The following CRKL variants were observed in gnomAD, a reference collection of about 807,000 sequenced individuals.
The protein encoded by CRKL is CRK like proto-oncogene, adaptor protein.
A neutral mutation model predicts 23.0 loss-of-function variants in CRKL; 3 were observed. The observed-to-expected ratio is 0.13, with a 90% CI of 0.06 to 0.34. The LOEUF (loss-of-function observed/expected upper bound fraction) is 0.34, where lower values mean the gene tolerates loss of function less well. CRKL is among the 10% of genes least tolerant of loss of function. The pLI, the probability that CRKL is intolerant of heterozygous loss-of-function variation, is 1.00. For missense variants in CRKL, 256 were observed against 394.5 expected (o/e 0.65, Z 2.97); for synonymous variants, 188 against 160.7 (o/e 1.17, Z -1.28).
chr22:20,922,006 CTTTTTTTTTT>C (rs66728040), intron 1 of CRKL, among the ~76,000 whole-genome samples: 9 of 69,914 alleles, frequency 1.3e-4, no homozygotes, highest in Admixed American at 2.1e-4. Flanking sequence ...CTGCGCCCGG[CTTTTTTTTTT>C]TTTTTTTTTT....
intron 1 of CRKL, among the ~76,000 whole-genome samples, chr22:20,918,656 A>G (rs1355906688): frequency 7.1e-6 from 1 of 140,416 alleles, no homozygotes; most frequent in Non-Finnish European, 1.5e-5. Context: ...CAGTGGTGCG[A>G]TCTCGGCTCA....
chr22:20,936,248 C>T (rs746256711), intron 2 of CRKL, among the ~76,000 whole-genome samples: 3 of 152,152 alleles, frequency 2.0e-5, no homozygotes, highest in African/African-American at 7.2e-5. Flanking sequence ...AAAACCAAAT[C>T]CTGACTCACC....
chr22:20,938,216 C>T (rs1315911556), intron 2 of CRKL, among the ~76,000 whole-genome samples: 7 of 152,070 alleles, frequency 4.6e-5, no homozygotes, highest in African/African-American at 1.4e-4. Context: ...ATGATGATGG[C>T]TTAGGTGACT....
rs747983440 is a variant in CRKL at position 20,917,961 on chromosome 22, G to A, written c.27G>A (p.Ser9=). 3.7e-5 allele frequency: 60 copies of A among 1,613,888 alleles called. No individual in the cohort carries two copies. The highest frequency in any genetic ancestry group is 4.3e-5 in the Non-Finnish European group (51 of 1,180,024). The change falls in exon 1 of 3, where the codon TCG becomes TCA. Residue 9 remains serine (S), a synonymous_variant. Transcript: ENST00000354336. Reference sequence around the variant, plus strand: ...TGTCCTCCGCCAGGTTCGACTCCTCGGACCGCTCCGCCTGGTATATGGGGC... The same window carrying A: ...TGTCCTCCGCCAGGTTCGACTCCTCAGACCGCTCCGCCTGGTATATGGGGC... MSSARFDS[S]DRSAWYMGPV...
chr22:20,933,287 T>C (rs1403910877), intron 1 of CRKL, among the ~76,000 whole-genome samples: 3 of 151,696 alleles, frequency 2.0e-5, no homozygotes, highest in Non-Finnish European at 4.4e-5. Flanking sequence ...GGAGAATTGC[T>C]TGAACTTGGG....
chr22:20,921,954 C>A (rs1175428364), intron 1 of CRKL, among the ~76,000 whole-genome samples: 1 of 150,656 alleles, frequency 6.6e-6, no homozygotes, highest in African/African-American at 2.4e-5. Flanking sequence ...GTGATCCGCC[C>A]GCCTCGGCCT....
intron 1 of CRKL, among the ~76,000 whole-genome samples, chr22:20,933,328 C>T (rs979164579): frequency 1.3e-5 from 2 of 151,470 alleles, no homozygotes; most frequent in African/African-American, 4.9e-5. Flanking sequence ...TGAGATCCTG[C>T]CACTGCACTC....
In CRKL at chr22:20,953,646, G is replaced by T. The variant is rs963378876; in HGVS notation, c.*3801G>T. 4.9e-6 allele frequency: 1 copy of T among 204,166 alleles called. No homozygotes were observed. The highest frequency in any genetic ancestry group is 7.6e-5 in the East Asian group (1 of 13,170). The allele number at this position is 204,166 out of a possible 1,614,324, so 12.6% of individuals were successfully genotyped here. On this transcript the variant is annotated 3_prime_UTR_variant, in exon 3 of 3. Coordinates refer to ENST00000354336, the MANE Select transcript of CRKL (RefSeq NM_005207.4). ...AACAGATTAGTGCCTTTTTATTTTTGTATTCCGTTTTACGTTACTGGTCCC... is the reference window on the plus strand; with the variant it reads ...AACAGATTAGTGCCTTTTTATTTTTTTATTCCGTTTTACGTTACTGGTCCC...
intron 2 of CRKL, among the ~76,000 whole-genome samples, chr22:20,936,382 C>G (rs946975220): frequency 6.6e-6 from 1 of 152,062 alleles, no homozygotes; most frequent in Non-Finnish European, 1.5e-5. Flanking sequence ...GAGTTTCGCT[C>G]TTGTTGCCCA....
rs1929751265 is a variant in CRKL at position 20,917,959 on chromosome 22, T to A, written c.25T>A (p.Ser9Thr). 1.2e-6 allele frequency: 2 copies of A among 1,613,990 alleles called. No homozygotes were observed. Among genetic ancestry groups the A allele is most frequent in the Non-Finnish European group, 1.7e-6 (2 of 1,180,004 alleles). MSSARFDS[S>T]DRSAWYMGPV... is the part of the protein sequence containing the mutation. ...CATGTCCTCCGCCAGGTTCGACTCCTCGGACCGCTCCGCCTGGTATATGGG... is the reference window on the plus strand; with the variant it reads ...CATGTCCTCCGCCAGGTTCGACTCCACGGACCGCTCCGCCTGGTATATGGG... The change falls in exon 1 of 3, where the codon TCG becomes ACG. Residue 9 changes from serine (S) to threonine (T), a missense_variant. By Grantham distance (58) the Ser-to-Thr change is moderately conservative. Coordinates refer to ENST00000354336, the MANE Select transcript of CRKL (RefSeq NM_005207.4).
rs371278201 is a variant in CRKL at position 20,927,111 on chromosome 22, C to CAAAAAAAAAAAAAAAA, written c.312-6658_312-6643dup. 2.8e-3 allele frequency among the ~76,000 whole-genome samples: 138 copies of CAAAAAAAAAAAAAAAA among 48,506 alleles called. 2 individuals are homozygous for CAAAAAAAAAAAAAAAA. Among genetic ancestry groups the CAAAAAAAAAAAAAAAA allele is most frequent in the East Asian group, 4.5e-3 (4 of 884 alleles). The allele number at this position is 48,506 out of a possible 152,430, so 31.8% of individuals were successfully genotyped here. On this transcript the variant is annotated intron_variant, in intron 1 of 2. Coordinates refer to ENST00000354336, the MANE Select transcript of CRKL (RefSeq NM_005207.4). ...TGGGTGACAGAGCAAGACTCCGTCT[C>CAAAAAAAAAAAAAAAA]AAAAAAAAAAAAAAAAAAAAAAAAA...
chr22:20,919,017 C>G (rs1454500313), intron 1 of CRKL, among the ~76,000 whole-genome samples: 3 of 147,886 alleles, frequency 2.0e-5, no homozygotes, highest in South Asian at 2.2e-4. Flanking sequence ...GCACACCATC[C>G]CGGGTGCTTG....
intron 2 of CRKL, 149 bp downstream of exon 2, chr22:20,934,393 TA>T (rs1921574930): frequency 2.7e-6 from 2 of 752,124 alleles, no homozygotes; most frequent in Non-Finnish European, 4.1e-6. Context: ...CGTTTCATTT[TA>T]AAATTTTTTT....
chr22:20,936,863 T>C (rs1921676982), intron 2 of CRKL, among the ~76,000 whole-genome samples: 1 of 149,088 alleles, frequency 6.7e-6, no homozygotes, highest in Admixed American at 6.7e-5. Context: ...CAGCTTTCTT[T>C]CCTTTTTTTT....
intron 2 of CRKL, among the ~76,000 whole-genome samples, chr22:20,943,849 A>C (rs1435994054): frequency 2.6e-5 from 4 of 152,142 alleles, no homozygotes; most frequent in Non-Finnish European, 5.9e-5. Context: ...TCACTTGATC[A>C]TAAATGTGTG....
At chr22:20,929,165 TTTTA>T (rs1050096540) in intron 1 of CRKL, among the ~76,000 whole-genome samples, 1 of 152,092 alleles carries the variant, frequency 6.6e-6, no homozygotes, top group Non-Finnish European at 1.5e-5. Flanking sequence ...TTTTATTTTA[TTTTA>T]TTTATTTATT....
chr22:20,931,752 T>C (rs1419175801), intron 1 of CRKL, among the ~76,000 whole-genome samples: 1 of 152,218 alleles, frequency 6.6e-6, no homozygotes, highest in African/African-American at 2.4e-5. Flanking sequence ...AAGTATGAGC[T>C]CTTTATTATT....
At position 20,923,868 on chromosome 22, in the gene CRKL, G is replaced by A. The variant is rs1601673618; in HGVS notation, c.311+5623G>A. ...GCTGGGATTACAGGCGTAAGTCACC[G>A]CGCCTGGCTACTAAAAAAAAAAAAA... On this transcript the variant is annotated intron_variant, in intron 1 of 2. Transcript: ENST00000354336. Among the ~76,000 whole-genome samples, 3 of 151,450 alleles carry A rather than the reference G, an allele frequency of 2.0e-5. No individual in the cohort carries two copies. In the East Asian group the frequency reaches 5.8e-4, roughly 29 times the overall value.
chr22:20,918,897 G>A (rs1929789213), intron 1 of CRKL, among the ~76,000 whole-genome samples: 1 of 151,834 alleles, frequency 6.6e-6, no homozygotes, highest in African/African-American at 2.4e-5. Flanking sequence ...GCCAAAAACC[G>A]TTTTTAAGCC....
Sources: allele counts gnomAD v4.1 joint callset (sites outside exome capture counted in the v4.1 genomes callset), GRCh38; gene constraint gnomAD v4.1.1; transcripts MANE v1.5; gene names NCBI Gene and HGNC (gene_info 2026-07-23, HGNC 2026-07-21).